DGKG: variants seen among roughly 807,000 people sequenced by gnomAD.
The protein encoded by DGKG is DAG kinase gamma.
Under a neutral mutation model 105.3 loss-of-function variants are expected in DGKG, and 78 were observed. The observed-to-expected ratio is 0.74, with a 90% CI of 0.62 to 0.89. The LOEUF (loss-of-function observed/expected upper bound fraction) is 0.89, where lower values mean the gene tolerates loss of function less well. DGKG is among the 40% of genes least tolerant of loss of function. The pLI, the probability that DGKG is intolerant of heterozygous loss-of-function variation, is 0.00. For missense variants in DGKG, 958 were observed against 1,020.1 expected (o/e 0.94, Z 0.83); for synonymous variants, 346 against 367.1 (o/e 0.94, Z 0.66).
chr3:186,149,863 A>C lies in DGKG; in HGVS notation c.*227T>G. On this transcript the variant is annotated 3_prime_UTR_variant, in exon 25 of 25. Transcript: ENST00000265022. ...ACCTCATGGGCCCTAAGTCCATTCAAAATGTTTTGTTGGCACTGGCTCTGT... is the reference window on the plus strand; with the variant it reads ...ACCTCATGGGCCCTAAGTCCATTCACAATGTTTTGTTGGCACTGGCTCTGT... 1 of 1,304,294 alleles carries C rather than the reference A, an allele frequency of 7.7e-7. No individual in the cohort carries two copies. Among genetic ancestry groups the C allele is most frequent in the Non-Finnish European group, 9.7e-7 (1 of 1,026,388 alleles). The allele number at this position is 1,304,294 out of a possible 1,614,324, so 80.8% of individuals were successfully genotyped here.
chr3:186,194,127 C>A (rs1288440907), intron 21 of DGKG, among the ~76,000 whole-genome samples: 1 of 152,214 alleles, frequency 6.6e-6, no homozygotes, highest in Admixed American at 6.5e-5. Flanking sequence ...GGAAGACAAT[C>A]CCCCCAGTTC....
intron 19 of DGKG, among the ~76,000 whole-genome samples, chr3:186,244,187 G>C (rs745317250): frequency 2.0e-5 from 3 of 152,058 alleles, no homozygotes; most frequent in Non-Finnish European, 4.4e-5. Context: ...ACTGCACCTG[G>C]CCTCTGTGTG....
intron 15 of DGKG, among the ~76,000 whole-genome samples, chr3:186,261,315 G>T (rs1721762509): frequency 6.6e-6 from 1 of 152,168 alleles, no homozygotes; most frequent in East Asian, 1.9e-4. Flanking sequence ...CTTCTCACGG[G>T]TGACGGTAGC....
intron 1 of DGKG, among the ~76,000 whole-genome samples, chr3:186,323,936 CAAA>C (rs35989455): frequency 2.4e-4 from 17 of 72,010 alleles, no homozygotes; most frequent in African/African-American, 5.1e-4. Context: ...GACTCCGTCT[CAAA>C]AAAAAAAAAA....
intron 1 of DGKG, among the ~76,000 whole-genome samples, chr3:186,332,364 G>T (rs1195666576): frequency 6.6e-6 from 1 of 152,156 alleles, no homozygotes; most frequent in Non-Finnish European, 1.5e-5. Flanking sequence ...CACCACTTGG[G>T]GCCCTTAACA....
chr3:186,302,131 G>A (rs1331406502), intron 3 of DGKG, among the ~76,000 whole-genome samples: 1 of 152,104 alleles, frequency 6.6e-6, no homozygotes, highest in Non-Finnish European at 1.5e-5. Context: ...TTCCTGCCTT[G>A]TGACACTCAT....
chr3:186,263,676 C>G (rs1006385568), intron 14 of DGKG, among the ~76,000 whole-genome samples: 1 of 141,100 alleles, frequency 7.1e-6, no homozygotes, highest in Admixed American at 7.1e-5. Flanking sequence ...TTTTTACTTT[C>G]TTAGATAAAT....
At position 186,347,797 on chromosome 3, in the gene DGKG, G is replaced by T. The variant is rs918345329; in HGVS notation, c.-249+14149C>A. 2.6e-5 allele frequency among the ~76,000 whole-genome samples: 4 copies of T among 152,202 alleles called. No homozygotes were observed. The South Asian group carries it at 8.3e-4, about 32-fold the overall frequency. ...CAGGTTTCACCATGTCAGCCAGGCT[G>T]GTCTCAAACTCCTGACCTCAAGTGA... On this transcript the variant is annotated intron_variant, in intron 1 of 24. Coordinates refer to ENST00000265022, the MANE Select transcript of DGKG (RefSeq NM_001346.3).
At chr3:186,339,211 C>A (rs1157000942) in intron 1 of DGKG, among the ~76,000 whole-genome samples, 1 of 152,162 alleles carries the variant, frequency 6.6e-6, no homozygotes, top group Non-Finnish European at 1.5e-5. Flanking sequence ...CTGCTAGGAG[C>A]TATGGGGGAG....
At chr3:186,277,325 C>T (rs902230279) in intron 9 of DGKG, among the ~76,000 whole-genome samples, 5 of 152,148 alleles carry the variant, frequency 3.3e-5, no homozygotes, top group Non-Finnish European at 7.3e-5. Context: ...TGTTTGTTGA[C>T]GTGGAAGGAG....
intron 19 of DGKG, among the ~76,000 whole-genome samples, chr3:186,244,093 C>T (rs956981806): frequency 7.9e-5 from 12 of 151,944 alleles, no homozygotes; most frequent in South Asian, 2.1e-4. Context: ...GACGGGTCTT[C>T]GCCATGTTGG....
chr3:186,310,861 T>G (rs1270641281), intron 2 of DGKG, among the ~76,000 whole-genome samples: 1 of 152,234 alleles, frequency 6.6e-6, no homozygotes, highest in Non-Finnish European at 1.5e-5. Flanking sequence ...ATATTTTATT[T>G]AAATCCCCAC....
intron 20 of DGKG, among the ~76,000 whole-genome samples, chr3:186,229,599 C>T (rs1720039315): frequency 6.6e-6 from 1 of 152,162 alleles, no homozygotes; most frequent in South Asian, 2.1e-4. Context: ...TCTAAACCAC[C>T]CAGCTGTGGT....
chr3:186,268,778 G>C, intron 12 of DGKG, 23 bp downstream of exon 12: 1 of 1,553,440 alleles, frequency 6.4e-7, no homozygotes, highest in Non-Finnish European at 8.9e-7. Context: ...AAAGAAGCAG[G>C]GCCGCCCTGG....
rs1484334536 is a variant in DGKG at position 186,199,928 on chromosome 3, C to T, written c.1918-11549G>A. Reference sequence around the variant, plus strand: ...TCCTCATGAACCTGCGGGTTTCATGCATGAGATGCAAGTGACGAGATCAAG... The same window carrying T: ...TCCTCATGAACCTGCGGGTTTCATGTATGAGATGCAAGTGACGAGATCAAG... On this transcript the variant is annotated intron_variant, in intron 21 of 24. Coordinates refer to ENST00000265022, the MANE Select transcript of DGKG (RefSeq NM_001346.3). 3.9e-5 allele frequency among the ~76,000 whole-genome samples: 6 copies of T among 152,182 alleles called. No individual in the cohort carries two copies. In the South Asian group the frequency reaches 8.3e-4, roughly 21 times the overall value.
At chr3:186,182,247 C>T (rs1717394732) in intron 22 of DGKG, among the ~76,000 whole-genome samples, 1 of 152,194 alleles carries the variant, frequency 6.6e-6, no homozygotes, top group Non-Finnish European at 1.5e-5. Context: ...AATCCTGAAG[C>T]CGTAGTCAAG....
At chr3:186,321,737 TG>T (rs1725087104) in intron 1 of DGKG, among the ~76,000 whole-genome samples, 1 of 152,146 alleles carries the variant, frequency 6.6e-6, no homozygotes, top group South Asian at 2.1e-4. Context: ...ATGTGTAGAC[TG>T]GTTGTTTTGG....
At chr3:186,299,769 CTT>C (rs1331331886) in intron 3 of DGKG, among the ~76,000 whole-genome samples, 1 of 36,044 alleles carries the variant, frequency 2.8e-5, no homozygotes, top group East Asian at 7.6e-4. Flanking sequence ...CTTCTTTTCT[CTT>C]TCTTTCTTTC....
rs1445268802 is a variant in DGKG, at chr3:186,309,624, T to TA, written c.68-2648dup. 6.6e-5 allele frequency among the ~76,000 whole-genome samples: 10 copies of TA among 152,060 alleles called. No individual in the cohort carries two copies. In the East Asian group the frequency reaches 1.9e-3, roughly 29 times the overall value. On this transcript the variant is annotated intron_variant, in intron 2 of 24. Transcript: ENST00000265022. ...TGTTAGCTCAGCCAAAATGGCTAAA[T>TA]AAAAAAAATAAAAATCTGAGAACAT...
Sources: allele counts gnomAD v4.1 joint callset (sites outside exome capture counted in the v4.1 genomes callset), GRCh38; gene constraint gnomAD v4.1.1; transcripts MANE v1.5; gene names NCBI Gene and HGNC (gene_info 2026-07-23, HGNC 2026-07-21).